The following ATG7 variants were observed in gnomAD, a reference collection of about 807,000 sequenced individuals.
The protein encoded by ATG7 is autophagy related 7.
ATG7 carries 70 observed loss-of-function variants against 82.4 expected under a neutral mutation model. That is an observed-to-expected ratio of 0.85 (90% CI 0.70 to 1.04). The LOEUF is 1.04. ATG7 is among the 50% of genes least tolerant of loss of function. The pLI, the probability that ATG7 is intolerant of heterozygous loss-of-function variation, is 0.00. For missense variants in ATG7, 792 were observed against 864.3 expected, an observed-to-expected ratio of 0.92 and a Z score of 1.05; for synonymous variants, 287 against 313.0, an observed-to-expected ratio of 0.92 and a Z score of 0.88.
chr3:11,517,339 C>CAA (rs201459450), intron 20 of ATG7, among the ~76,000 whole-genome samples: 5 of 112,242 alleles, frequency 4.5e-5, no homozygotes, highest in Admixed American at 2.0e-4. Flanking sequence ...GACTCCACCT[C>CAA]AAAAAAAAAA....
At chr3:11,284,655 G>C (rs559437054) in intron 3 of ATG7, among the ~76,000 whole-genome samples, 3 of 151,570 alleles carry the variant, frequency 2.0e-5, no homozygotes, top group East Asian at 3.9e-4. Context: ...GGGCTCAGGC[G>C]ATCCTCCTGT....
At chr3:11,502,869 A>G (rs1460649513) in intron 20 of ATG7, among the ~76,000 whole-genome samples, 2 of 152,298 alleles carry the variant, frequency 1.3e-5, no homozygotes, top group East Asian at 3.9e-4. Flanking sequence ...TTTGTGCAAT[A>G]GGACAGACAA....
chr3:11,562,310 C>T (rs975657688), downstream of ATG7, among the ~76,000 whole-genome samples: 9 of 152,164 alleles, frequency 5.9e-5, no homozygotes, highest in Admixed American at 3.9e-4. Flanking sequence ...AATGGGGGGA[C>T]ACTTTCTGTA....
chr3:11,511,747 A>G (rs1305428487), intron 20 of ATG7, among the ~76,000 whole-genome samples: 1 of 152,178 alleles, frequency 6.6e-6, no homozygotes, highest in Non-Finnish European at 1.5e-5. Flanking sequence ...CCCCGAGGGA[A>G]GGCAGCTAAG....
At chr3:11,415,030 C>A (rs1378637948) in intron 19 of ATG7, among the ~76,000 whole-genome samples, 6 of 152,196 alleles carry the variant, frequency 3.9e-5, no homozygotes, top group Non-Finnish European at 2.9e-5. Flanking sequence ...CTTATACAAA[C>A]CGTGACAGCA....
At chr3:11,368,372 T>C (rs2076771115) in intron 18 of ATG7, among the ~76,000 whole-genome samples, 1 of 152,054 alleles carries the variant, frequency 6.6e-6, no homozygotes, top group Admixed American at 6.6e-5. Context: ...ATTTATAAAA[T>C]GTACAGGCCA....
In ATG7 at chr3:11,416,176, A is replaced by G. The variant is rs540722145; in HGVS notation, c.1957-10628A>G. On this transcript the variant is annotated intron_variant, in intron 19 of 20. Coordinates refer to ENST00000693202, the MANE Select transcript of ATG7 (RefSeq NM_001349232.2). ...TATATTGGTCTGTAGTTTTCTAGTA[A>G]TGTCTTTATCTGGCTTTGGTATTAG... Among the ~76,000 whole-genome samples the G allele has an allele frequency of 1.5e-4, 23 of 152,268 alleles. No homozygotes were observed. The South Asian group carries it at 3.5e-3, about 23-fold the overall frequency.
At chr3:11,280,595 A>G (rs760287499) in intron 1 of ATG7, among the ~76,000 whole-genome samples, 23 of 152,350 alleles carry the variant, frequency 1.5e-4, no homozygotes, top group Admixed American at 1.4e-3. Context: ...TCTTGTTAAA[A>G]TAGGCCTGCC....
the ATG7 span, among the ~76,000 whole-genome samples, chr3:11,565,897 G>A: frequency 1.3e-5 from 2 of 152,150 alleles, no homozygotes; most frequent in Non-Finnish European, 2.9e-5. This position sits in a 1 kb window ranked among gnomAD's most constrained non-coding sequence, Gnocchi z 4.1. Context: ...GGGTCCCACA[G>A]TTCCATCTGC....
chr3:11,501,870 A>G (rs1210246188), intron 20 of ATG7, among the ~76,000 whole-genome samples: 1 of 152,006 alleles, frequency 6.6e-6, no homozygotes, highest in Non-Finnish European at 1.5e-5. Context: ...TTGCATTTTT[A>G]GCAGAGACGG....
chr3:11,556,511 GT>G lies in ATG7; in HGVS notation c.*1669del. On this transcript the variant is annotated 3_prime_UTR_variant, in exon 21 of 21. Coordinates refer to ENST00000693202, the MANE Select transcript of ATG7 (RefSeq NM_001349232.2). ...TTCCTGTTACGACGCTCAGTAGCCT[GT>G]AGCAATAACAAACTCGTGGCTATGA... 1 of 152,746 alleles carries G rather than the reference GT, an allele frequency of 6.5e-6. No homozygotes were observed. The highest frequency in any genetic ancestry group is 1.9e-4 in the East Asian group (1 of 5,312). The allele number at this position is 152,746 out of a possible 1,614,324, so 9.5% of individuals were successfully genotyped here. A position where few individuals can be genotyped will look rare whatever the true frequency, so the allele number is the denominator to read the frequency against.
At chr3:11,545,617 G>A (rs1016739660) in intron 20 of ATG7, among the ~76,000 whole-genome samples, 3 of 151,848 alleles carry the variant, frequency 2.0e-5, no homozygotes, top group South Asian at 2.1e-4. Flanking sequence ...TGGCAGCCCC[G>A]CCAGCCCTGT....
intron 19 of ATG7, among the ~76,000 whole-genome samples, chr3:11,393,655 A>C (rs1031798008): frequency 1.1e-4 from 16 of 151,544 alleles, no homozygotes; most frequent in Admixed American, 9.2e-4. Flanking sequence ...AGAAGAGAGA[A>C]GAGAATGATA....
At chr3:11,560,695 G>A (rs114292484), downstream of ATG7, among the ~76,000 whole-genome samples, 2,873 of 152,272 alleles carry the variant, frequency 0.019, 77 homozygotes, top group African/African-American at 0.064. Context: ...GGTAGGGGGG[G>A]ATGTGGCTTA....
intron 19 of ATG7, among the ~76,000 whole-genome samples, chr3:11,393,701 A>G (rs1295855531): frequency 6.7e-6 from 1 of 148,974 alleles, no homozygotes; most frequent in Non-Finnish European, 1.5e-5. Flanking sequence ...TTTTTCTTTT[A>G]TCTCAGTCTC....
At chr3:11,441,737 G>A (rs2083996076) in intron 20 of ATG7, among the ~76,000 whole-genome samples, 1 of 148,142 alleles carries the variant, frequency 6.8e-6, no homozygotes, top group Non-Finnish European at 1.5e-5. Context: ...CGTGATCTCA[G>A]CTCACTGCAA....
In ATG7 at chr3:11,387,482, G is replaced by A. The variant is rs566145265; in HGVS notation, c.1956+7430G>A. On this transcript the variant is annotated intron_variant, in intron 19 of 20. Transcript: ENST00000693202. ...TTGCCACTCAGACCAGAAAGTTGAG[G>A]GCTGTGTTCTCCTTAGATGGTTCCA... Among the ~76,000 whole-genome samples, 215 of 152,244 alleles carry A rather than the reference G, an allele frequency of 1.4e-3. 2 individuals carry two copies. Among genetic ancestry groups the A allele is most frequent in the Middle Eastern group, 0.01 (3 of 294 alleles).
chr3:11,530,241 G>GA (rs2124971846), intron 20 of ATG7, among the ~76,000 whole-genome samples: 1 of 152,298 alleles, frequency 6.6e-6, no homozygotes, highest in South Asian at 2.1e-4. Context: ...GCGGCTCCCA[G>GA]AGAGAGCGAG....
chr3:11,405,549 G>A (rs977212311), intron 19 of ATG7, among the ~76,000 whole-genome samples: 12 of 152,040 alleles, frequency 7.9e-5, no homozygotes, highest in Non-Finnish European at 1.2e-4. Flanking sequence ...ATCTTGTCAT[G>A]TATTTTCTGT....
Sources: allele counts gnomAD v4.1 joint callset (sites outside exome capture counted in the v4.1 genomes callset), GRCh38; gene constraint gnomAD v4.1.1; non-coding constraint Gnocchi (gnomAD v3.1); transcripts MANE v1.5; gene names NCBI Gene and HGNC (gene_info 2026-07-23, HGNC 2026-07-21).